Variants in FMN2 observed in about 807,000 individuals in gnomAD.
FMN2 encodes the protein formin-2.
In FMN2, 51 loss-of-function variants were observed where a neutral mutation model predicts 142.3. The ratio of observed to expected loss-of-function variants is 0.36; its 90% CI spans 0.29 to 0.45. The LOEUF is 0.45. Ranked by LOEUF, FMN2 falls within the 20% of genes least tolerant of loss-of-function variation. The probability of loss-of-function intolerance (pLI) is 1.00; values close to 1 mark genes in which losing one functional copy is unlikely to be tolerated. For synonymous variants in FMN2, 882 were observed against 869.8 expected (o/e 1.01, Z -0.25); for missense variants, 1,936 against 2,122.8 (o/e 0.91, Z 1.73).
At chr1:240,155,206 G>C (rs185962565) in intron 2 of FMN2, among the ~76,000 whole-genome samples, 9 of 152,024 alleles carry the variant, frequency 5.9e-5, no homozygotes, top group Non-Finnish European at 1.3e-4. Flanking sequence ...CTTTGCTTTC[G>C]ATGAAGATGA....
intron 6 of FMN2, among the ~76,000 whole-genome samples, chr1:240,218,529 C>T (rs1666991203): frequency 6.6e-6 from 1 of 151,212 alleles, no homozygotes; most frequent in African/African-American, 2.4e-5. Context: ...TGCCCTCCAG[C>T]CTAGGCAACA....
At chr1:240,438,010 A>G (rs1424322548) in intron 15 of FMN2, 51 bp from the exon 16 acceptor site, 2 of 1,578,614 alleles carry the variant, frequency 1.3e-6, no homozygotes, top group Non-Finnish European at 1.7e-6. Flanking sequence ...AATATCCCAT[A>G]TTGGAAAGTA....
At chr1:240,188,300 T>A (rs112785123) in intron 4 of FMN2, 38 bp downstream of exon 4, 3 of 1,592,868 alleles carry the variant, frequency 1.9e-6, no homozygotes, top group East Asian at 2.2e-5. Flanking sequence ...TTCCCATCTG[T>A]CTTATTTGTC....
At chr1:240,328,668 C>T (rs1671278211) in intron 8 of FMN2, among the ~76,000 whole-genome samples, 1 of 151,956 alleles carries the variant, frequency 6.6e-6, no homozygotes, top group African/African-American at 2.4e-5. Context: ...AGGCTCACTG[C>T]AACCTCCTCC....
chr1:240,373,008 A>G (rs1672923099), intron 14 of FMN2, among the ~76,000 whole-genome samples: 1 of 152,122 alleles, frequency 6.6e-6, no homozygotes. Flanking sequence ...AACACGGTGA[A>G]ACCTCACCTC....
At chr1:240,272,420 G>C (rs1669048864) in intron 7 of FMN2, among the ~76,000 whole-genome samples, 1 of 152,174 alleles carries the variant, frequency 6.6e-6, no homozygotes, top group Non-Finnish European at 1.5e-5. Context: ...GATTGGCACT[G>C]TTATTTTGGG....
intron 6 of FMN2, among the ~76,000 whole-genome samples, chr1:240,213,270 G>A (rs944140619): frequency 1.3e-5 from 2 of 152,076 alleles, no homozygotes; most frequent in Non-Finnish European, 1.5e-5. Context: ...TGATAGTGAC[G>A]CTACTGTTGA....
chr1:240,101,784 T>C (rs1661425727), intron 1 of FMN2, among the ~76,000 whole-genome samples: 2 of 151,876 alleles, frequency 1.3e-5, no homozygotes, highest in Admixed American at 1.3e-4. Flanking sequence ...CCTTGTGTTT[T>C]TGAACACTGA....
chr1:240,242,821 C>G (rs1392656162), intron 6 of FMN2, among the ~76,000 whole-genome samples: 4 of 151,294 alleles, frequency 2.6e-5, no homozygotes, highest in African/African-American at 9.9e-5. Context: ...AAGCAGGCTT[C>G]TAGATTCTTA....
intron 2 of FMN2, among the ~76,000 whole-genome samples, chr1:240,141,670 A>G (rs1441317007): frequency 6.6e-6 from 1 of 152,178 alleles, no homozygotes; most frequent in Non-Finnish European, 1.5e-5. Context: ...ACGCCCAGCC[A>G]TATACTTTAA....
intron 2 of FMN2, among the ~76,000 whole-genome samples, chr1:240,151,194 A>G (rs879372270): frequency 3.9e-5 from 6 of 152,154 alleles, no homozygotes; most frequent in Non-Finnish European, 8.8e-5. Context: ...GTGAAGGCCT[A>G]CCTCATTTTT....
At chr1:240,430,338 G>T (rs1675119565) in intron 15 of FMN2, among the ~76,000 whole-genome samples, 1 of 151,970 alleles carries the variant, frequency 6.6e-6, no homozygotes, top group Admixed American at 6.6e-5. Context: ...CTCCAAAGTG[G>T]TTTGCCATTT....
rs1285446014 is a variant in FMN2 at position 240,206,836 on chromosome 1, T to C, written c.2024T>C (p.Val675Ala). 1 of 1,613,840 alleles carries C rather than the reference T, an allele frequency of 6.2e-7. No individual in the cohort carries two copies. The highest frequency in any genetic ancestry group is 2.2e-5 in the East Asian group (1 of 44,890). Residue 675 changes from valine (V) to alanine (A), a missense_variant, in exon 5 of 18, where the codon GTA becomes GCA. This residue lies in a region of FMN2 where 478 missense variants were observed against 462.8 expected (regional missense o/e 1.03). Coordinates refer to ENST00000319653, the MANE Select transcript of FMN2 (RefSeq NM_020066.5). ...ATGAAGTCTGAGGGACAGGCCACTG[T>C]AATTCAGCAGCTGGAACAGACTATT... ...VDMKSEGQAT[V>A]IQQLEQTIED...
At chr1:240,186,197 T>A (rs73112853) in intron 3 of FMN2, among the ~76,000 whole-genome samples, 1 of 152,172 alleles carries the variant, frequency 6.6e-6, no homozygotes, top group African/African-American at 2.4e-5. Context: ...ATATCTATAT[T>A]GTCTCTTGTA....
intron 6 of FMN2, among the ~76,000 whole-genome samples, chr1:240,238,617 G>A (rs1008772173): frequency 2.6e-5 from 4 of 152,108 alleles, no homozygotes; most frequent in African/African-American, 9.7e-5. Context: ...AAAGTATGAA[G>A]TTTTTATTTG....
intron 4 of FMN2, among the ~76,000 whole-genome samples, chr1:240,198,189 C>T (rs768775205): frequency 2.0e-5 from 3 of 152,146 alleles, no homozygotes; most frequent in Non-Finnish European, 2.9e-5. Context: ...CCAGTACCTC[C>T]TGCAACTCTA....
chr1:240,363,666 T>C (rs899133383), intron 14 of FMN2, among the ~76,000 whole-genome samples: 5 of 152,192 alleles, frequency 3.3e-5, no homozygotes, highest in Admixed American at 1.3e-4. Context: ...TCATTCTGTA[T>C]GTCCTCCCCC....
chr1:240,393,053 A>G (rs1673659752), intron 15 of FMN2, among the ~76,000 whole-genome samples: 2 of 152,058 alleles, frequency 1.3e-5, no homozygotes, highest in Admixed American at 6.6e-5. Context: ...GCATCTCTCT[A>G]TATACGTCAG....
intron 6 of FMN2, among the ~76,000 whole-genome samples, chr1:240,242,701 C>T (rs1388911728): frequency 1.3e-5 from 2 of 152,184 alleles, no homozygotes; most frequent in Non-Finnish European, 2.9e-5. Flanking sequence ...AGCTGTCAGT[C>T]TCCTTCTGAG....
Sources: gnomAD v4.1 joint callset for allele counts (sites outside exome capture counted in the v4.1 genomes callset) on GRCh38, gnomAD v4.1.1 for gene constraint, gnomAD v4.1.1 regional missense constraint, MANE v1.5 for transcripts, NCBI Gene and HGNC (gene_info 2026-07-23, HGNC 2026-07-21) for gene names.